Variants in LVRN observed in about 807,000 individuals in gnomAD.
LVRN encodes the protein laeverin.
Under a neutral mutation model 111.4 loss-of-function variants are expected in LVRN, and 99 were observed. That is an observed-to-expected ratio of 0.89 (90% CI 0.76 to 1.05). The LOEUF is 1.05. LVRN is among the 50% of genes least tolerant of loss of function. LVRN has a pLI of 0.00. For missense variants in LVRN, 1,414 were observed against 1,206.8 expected (o/e 1.17, Z -2.54); for synonymous variants, 488 against 449.5 (o/e 1.09, Z -1.08).
chr5:116,023,010 G>C (rs996260634), intron 19 of LVRN, among the ~76,000 whole-genome samples: 2 of 152,128 alleles, frequency 1.3e-5, no homozygotes, highest in African/African-American at 2.4e-5. Flanking sequence ...ACATTTTCTG[G>C]ATTTCAGAAA....
At chr5:116,008,917 T>C (rs1318946444) in intron 13 of LVRN, among the ~76,000 whole-genome samples, 2 of 152,222 alleles carry the variant, frequency 1.3e-5, no homozygotes, top group East Asian at 3.8e-4. Context: ...CTAAGATAAT[T>C]GTTAAAATGG....
At position 116,010,842 on chromosome 5, in the gene LVRN, C is replaced by A; in HGVS notation, c.2195C>A (p.Thr732Asn). 2 of 1,611,324 alleles carry A rather than the reference C, an allele frequency of 1.2e-6. No homozygotes were observed. The highest frequency in any genetic ancestry group is 1.7e-6 in the Non-Finnish European group (2 of 1,178,630). ...CATACAGTCTTGGTAAACTTGGTAA[C>A]CAGGGATCTTGTTTCTGAGGTGAAC... ...VWHTVLVNLV[T>N]RDLVSEVNIY... The change falls in exon 14 of 20, where the codon ACC becomes AAC. Residue 732 changes from threonine to asparagine, a missense_variant. Transcript: ENST00000357872.
chr5:115,977,920 A>G (rs1753481697), intron 1 of LVRN, among the ~76,000 whole-genome samples: 1 of 152,248 alleles, frequency 6.6e-6, no homozygotes, highest in Non-Finnish European at 1.5e-5. Flanking sequence ...GAAGGAACTG[A>G]AAGATATTTA....
Position 115,962,728 on chromosome 5 carries a change from C to G in LVRN, c.111C>G (p.Tyr37Ter). Reference protein sequence around the residue: ...LLALAVLAALYGHCERVPPSE... With the variant: ...LLALAVLAAL ...CGCTGGCCGTACTCGCCGCCTTGTA[C>G]GGCCACTGCGAGCGCGTCCCACCGT... Residue 37 changes from tyrosine to a stop codon, truncating the protein, a stop_gained, in exon 1 of 20, where the codon TAC (tyrosine) becomes TAG (stop). Coordinates refer to ENST00000357872, the MANE Select transcript of LVRN (RefSeq NM_173800.5). LOFTEE classifies it high-confidence loss of function. 6.2e-7 allele frequency: 1 copy of G among 1,612,060 alleles called. No homozygotes were observed.
rs1350884435 is a variant in LVRN at position 115,999,791 on chromosome 5, T to A, written c.1404T>A (p.His468Gln). ...RNEIFFSNIL[H>Q]NILREDHALV... ...AGATCTTTTTTTCTAACATTTTACATAATATCCTCAGAGAAGATCACGCCC... is the reference window on the plus strand; with the variant it reads ...AGATCTTTTTTTCTAACATTTTACAAAATATCCTCAGAGAAGATCACGCCC... The change falls in exon 7 of 20, where the codon CAT becomes CAA. Residue 468 changes from histidine to glutamine, a missense_variant. Physicochemically the swap from His to Gln is conservative, Grantham distance 24. Transcript: ENST00000357872. 1 of 1,613,288 alleles carries A rather than the reference T, an allele frequency of 6.2e-7. No homozygotes were observed.
intron 18 of LVRN, among the ~76,000 whole-genome samples, chr5:116,017,041 T>A (rs973464632): frequency 2.0e-5 from 3 of 152,168 alleles, no homozygotes; most frequent in African/African-American, 7.2e-5. Flanking sequence ...ATCTGATAAA[T>A]GCTGTAGAGG....
intron 11 of LVRN, 71 bp from the exon 12 acceptor site, chr5:116,003,170 G>T: frequency 1.5e-6 from 2 of 1,337,164 alleles, no homozygotes; most frequent in Non-Finnish European, 2.1e-6. Context: ...AGAATCGAGT[G>T]TGTAGTATTA....
intron 6 of LVRN, among the ~76,000 whole-genome samples, chr5:115,994,263 T>C (rs914425352): frequency 6.6e-5 from 10 of 151,956 alleles, no homozygotes; most frequent in African/African-American, 2.4e-4. Context: ...ATATATATAG[T>C]CTAGGTCTTG....
At chr5:115,988,795 C>G (rs1321561817) in intron 4 of LVRN, among the ~76,000 whole-genome samples, 1 of 152,080 alleles carries the variant, frequency 6.6e-6, no homozygotes, top group Non-Finnish European at 1.5e-5. Flanking sequence ...GGAGGAAACA[C>G]CTATCACTCA....
At chr5:115,997,020 A>G (rs1748127930) in intron 6 of LVRN, among the ~76,000 whole-genome samples, 1 of 152,164 alleles carries the variant, frequency 6.6e-6, no homozygotes, top group Admixed American at 6.5e-5. Context: ...ATCTCATTCA[A>G]TCCTCAGGGC....
At chr5:115,967,904 A>G (rs1415302130) in intron 1 of LVRN, among the ~76,000 whole-genome samples, 3 of 152,234 alleles carry the variant, frequency 2.0e-5, no homozygotes, top group Non-Finnish European at 2.9e-5. Context: ...GCTACTATAT[A>G]GAAATGCTGC....
At chr5:116,008,927 G>A (rs1748432452) in intron 13 of LVRN, among the ~76,000 whole-genome samples, 1 of 152,216 alleles carries the variant, frequency 6.6e-6, no homozygotes, top group African/African-American at 2.4e-5. Flanking sequence ...TGTTAAAATG[G>A]CTGCACCAAA....
chr5:115,983,468 A>T (rs754156485), intron 2 of LVRN, 39 bp downstream of exon 2: 3 of 1,545,576 alleles, frequency 1.9e-6, no homozygotes, highest in Non-Finnish European at 2.6e-6. Context: ...CTGTCTATCT[A>T]TATAAGCTTT....
chr5:116,018,572 T>A (rs1748648549), intron 18 of LVRN, among the ~76,000 whole-genome samples: 1 of 151,964 alleles, frequency 6.6e-6, no homozygotes, highest in Non-Finnish European at 1.5e-5. Flanking sequence ...CTCAGGAAGC[T>A]GAGGCAGGAG....
Position 116,002,769 on chromosome 5 carries a change from T to C in LVRN, c.1821-66T>C. ...GTGTGCTATTTCATCATCTCTTTAATAGTGGCTCAGAGTGTATGTTTTTAT... is the reference window on the plus strand; with the variant it reads ...GTGTGCTATTTCATCATCTCTTTAACAGTGGCTCAGAGTGTATGTTTTTAT... On this transcript the variant is annotated intron_variant, in intron 10 of 19. Coordinates refer to ENST00000357872, the MANE Select transcript of LVRN (RefSeq NM_173800.5). 4 of 1,171,958 alleles carry C rather than the reference T, an allele frequency of 3.4e-6. 1 individual carries two copies. The South Asian group carries it at 5.5e-5, about 16-fold the overall frequency. 72.6% of individuals were successfully genotyped at this position (1,171,958 alleles called of 1,614,324 possible). A position where few individuals can be genotyped will look rare whatever the true frequency, so the allele number is the denominator to read the frequency against.
At chr5:115,978,090 C>T (rs560598748) in intron 1 of LVRN, among the ~76,000 whole-genome samples, 45 of 152,294 alleles carry the variant, frequency 3.0e-4, no homozygotes, top group African/African-American at 1.1e-3. Flanking sequence ...TAGAAACAGA[C>T]TTTCTTGCAG....
At chr5:115,972,339 G>A (rs1029238834) in intron 1 of LVRN, among the ~76,000 whole-genome samples, 1 of 150,306 alleles carries the variant, frequency 6.7e-6, no homozygotes, top group East Asian at 1.9e-4. Context: ...TTCATTCCTA[G>A]GTATTTTATA....
intron 1 of LVRN, among the ~76,000 whole-genome samples, chr5:115,978,487 T>C (rs1344640577): frequency 6.6e-6 from 1 of 152,180 alleles, no homozygotes; most frequent in Non-Finnish European, 1.5e-5. Context: ...CTGCTCTGCA[T>C]GAGGACCCCA....
rs768519931 is a variant in LVRN, at chr5:116,012,426, T to A, written c.2300T>A (p.Ile767Asn). 1 of 1,547,564 alleles carries A rather than the reference T, an allele frequency of 6.5e-7. No homozygotes were observed. The highest frequency in any genetic ancestry group is 2.3e-5 in the East Asian group (1 of 43,952). The part of the protein sequence containing the change: ...NLIWNIYSTI[I>N]RENVLALQDD... ...ATATGGAATATTTATTCAACTATAA[T>A]TCGTGAAAATGTGTTGGCATTACAA... Residue 767 changes from isoleucine to asparagine, a missense_variant, in exon 15 of 20, where the codon ATT becomes AAT. Physicochemically the swap from Ile to Asn is moderately radical, Grantham distance 149. Transcript: ENST00000357872.
Sources: allele counts gnomAD v4.1 joint callset (sites outside exome capture counted in the v4.1 genomes callset), GRCh38; gene constraint gnomAD v4.1.1; transcripts MANE v1.5; gene names NCBI Gene and HGNC (gene_info 2026-07-23, HGNC 2026-07-21).